Variants in EYS observed in about 807,000 individuals in gnomAD.
EYS encodes protein eyes shut homolog.
A neutral mutation model predicts 282.1 loss-of-function variants in EYS; 250 were observed. The observed-to-expected ratio is 0.89, with a 90% confidence interval of 0.80 to 0.98. The LOEUF (loss-of-function observed/expected upper bound fraction) is 0.98, where lower values mean the gene tolerates loss of function less well. Among genes scored for constraint, EYS ranks in the 50% least tolerant of loss-of-function variants. EYS has a pLI of 0.00. For synonymous variants in EYS, 1,355 were observed against 1,282.9 expected (o/e 1.06, Z -1.20); for missense variants, 4,016 against 3,709.0 (o/e 1.08, Z -2.15).
At chr6:64,910,329 A>G (rs1767953171) in intron 16 of EYS, among the ~76,000 whole-genome samples, 1 of 152,152 alleles carries the variant, frequency 6.6e-6, no homozygotes, top group Non-Finnish European at 1.5e-5. Context: ...TGCATAGTCA[A>G]CTTTTGAATT....
intron 12 of EYS, among the ~76,000 whole-genome samples, chr6:65,091,779 C>T (rs1774575988): frequency 6.6e-6 from 1 of 152,074 alleles, no homozygotes; most frequent in African/African-American, 2.4e-5. Context: ...CCATGCACTA[C>T]ATAATTACAT....
chr6:64,002,081 T>A lies in EYS; in HGVS notation c.6726-2898A>T, dbSNP rs992796974. Among the ~76,000 whole-genome samples the A allele has an allele frequency of 3.9e-5, 6 of 152,124 alleles. No homozygotes were observed. The East Asian group carries it at 1.2e-3, about 29-fold the overall frequency. On this transcript the variant is annotated intron_variant, in intron 33 of 42. Transcript: ENST00000503581. ...AGGCACACACAGAATCAGCTGATTG[T>A]CGACACCAGCAGACTAGCAGACCAG...
intron 22 of EYS, among the ~76,000 whole-genome samples, chr6:64,662,505 C>T (rs1011421124): frequency 3.9e-5 from 6 of 152,008 alleles, no homozygotes; most frequent in African/African-American, 7.2e-5. Context: ...TTTATTGTCC[C>T]GTGGGACAGC....
chr6:64,675,991 G>A (rs1769652062), intron 22 of EYS, among the ~76,000 whole-genome samples: 1 of 145,736 alleles, frequency 6.9e-6, no homozygotes, highest in South Asian at 2.2e-4. Context: ...ATCTATATAT[G>A]GACAGATTCT....
chr6:64,694,304 G>A (rs980604098), intron 22 of EYS, among the ~76,000 whole-genome samples: 4 of 152,124 alleles, frequency 2.6e-5, no homozygotes, highest in Non-Finnish European at 4.4e-5. Flanking sequence ...ACCATTGAAT[G>A]CTTTTAAAAA....
At chr6:64,117,912 T>C (rs1284140599) in intron 31 of EYS, among the ~76,000 whole-genome samples, 2 of 151,974 alleles carry the variant, frequency 1.3e-5, no homozygotes, top group East Asian at 3.8e-4. Context: ...ATACTGATAA[T>C]GAATTAGCTG....
At chr6:63,841,653 A>T (rs1321405241) in intron 36 of EYS, among the ~76,000 whole-genome samples, 1 of 152,146 alleles carries the variant, frequency 6.6e-6, no homozygotes, top group Non-Finnish European at 1.5e-5. Flanking sequence ...ATACATGTGC[A>T]GAACGTGCAG....
intron 8 of EYS, 126 bp from the exon 9 acceptor site, chr6:65,353,743 T>C (rs1764373958): frequency 1.4e-6 from 1 of 695,650 alleles, no homozygotes; most frequent in African/African-American, 1.8e-5. Context: ...GGACACACTT[T>C]TTATACTTCT....
At chr6:63,837,172 A>G (rs1264616881) in intron 36 of EYS, among the ~76,000 whole-genome samples, 2 of 152,092 alleles carry the variant, frequency 1.3e-5, no homozygotes, top group African/African-American at 2.4e-5. Flanking sequence ...CTATATTTTG[A>G]GTGATTCCTA....
intron 13 of EYS, among the ~76,000 whole-genome samples, chr6:65,031,560 A>G (rs1364347082): frequency 1.3e-5 from 2 of 152,168 alleles, no homozygotes; most frequent in African/African-American, 4.8e-5. Context: ...AAAAATAAAA[A>G]TTAATACCAG....
At chr6:64,706,350 A>G (rs909708492) in intron 22 of EYS, among the ~76,000 whole-genome samples, 4 of 152,150 alleles carry the variant, frequency 2.6e-5, no homozygotes, top group Non-Finnish European at 5.9e-5. Flanking sequence ...ATCTAACATT[A>G]TAAAAATTCT....
At chr6:64,826,945 C>G (rs1386525976) in intron 19 of EYS, among the ~76,000 whole-genome samples, 2 of 151,660 alleles carry the variant, frequency 1.3e-5, no homozygotes. Flanking sequence ...ATTCTCTGTT[C>G]CAATCTTTCC....
intron 31 of EYS, among the ~76,000 whole-genome samples, chr6:64,111,677 T>A (rs1773209856): frequency 6.6e-6 from 1 of 152,062 alleles, no homozygotes; most frequent in Non-Finnish European, 1.5e-5. Flanking sequence ...GTGGTGGCCA[T>A]GAATTTATAG....
chr6:63,731,570 C>G (rs1451887741), intron 41 of EYS, among the ~76,000 whole-genome samples: 2 of 152,084 alleles, frequency 1.3e-5, no homozygotes, highest in African/African-American at 4.8e-5. Context: ...AAACATTACT[C>G]AACACATAGT....
At chr6:64,031,657 G>T (rs1769845337) in intron 33 of EYS, among the ~76,000 whole-genome samples, 1 of 152,198 alleles carries the variant, frequency 6.6e-6, no homozygotes, top group Admixed American at 6.5e-5. Context: ...TCAGCACCCT[G>T]TGTCTAGCTC....
At chr6:64,165,774 A>G (rs1028075258) in intron 31 of EYS, among the ~76,000 whole-genome samples, 2 of 152,158 alleles carry the variant, frequency 1.3e-5, no homozygotes, top group Non-Finnish European at 2.9e-5. Flanking sequence ...CTTTTTCAGG[A>G]CCTCAATTAC....
At chr6:64,503,102 A>C (rs1268351288) in intron 26 of EYS, among the ~76,000 whole-genome samples, 1 of 152,222 alleles carries the variant, frequency 6.6e-6, no homozygotes, top group Non-Finnish European at 1.5e-5. Flanking sequence ...TCAAGACACA[A>C]CATACACATT....
In EYS at chr6:64,389,191, G is replaced by T. The variant is rs1025708499; in HGVS notation, c.5928-351C>A. Among the ~76,000 whole-genome samples, 4 of 152,044 alleles carry T rather than the reference G, an allele frequency of 2.6e-5. No individual in the cohort carries two copies. In the South Asian group the frequency reaches 6.2e-4, roughly 24 times the overall value. ...CTGTATGAGTGAAAAATATTAAAAA[G>T]AATCAAATTTCAATGCAGTCATACA... On this transcript the variant is annotated intron_variant, in intron 28 of 42. Coordinates refer to ENST00000503581, the MANE Select transcript of EYS (RefSeq NM_001142800.2).
intron 1 of EYS, among the ~76,000 whole-genome samples, chr6:65,699,086 C>T (rs887060134): frequency 1.3e-5 from 2 of 152,048 alleles, no homozygotes; most frequent in Admixed American, 6.6e-5. Context: ...TCTTTCTTAC[C>T]ATTTGGTCAA....
Sources: allele counts gnomAD v4.1 joint callset (sites outside exome capture counted in the v4.1 genomes callset), GRCh38; gene constraint gnomAD v4.1.1; transcripts MANE v1.5; gene names NCBI Gene and HGNC (gene_info 2026-07-23, HGNC 2026-07-21).